Variants in ADGRF4 observed in about 807,000 individuals in gnomAD.
The protein encoded by ADGRF4 is G-protein coupled receptor PGR18.
A neutral mutation model predicts 58.5 loss-of-function variants in ADGRF4; 63 were observed. The observed-to-expected ratio is 1.08, with a 90% confidence interval of 0.88 to 1.33. The LOEUF (loss-of-function observed/expected upper bound fraction) is 1.33, where lower values mean the gene tolerates loss of function less well. ADGRF4 is among the 40% of genes most tolerant of loss of function. The pLI is 0.00. For missense variants in ADGRF4, 931 were observed against 843.9 expected (o/e 1.10, Z -1.28); for synonymous variants, 313 against 295.4 (o/e 1.06, Z -0.61).
At chr6:47,718,278 G>A in intron 8 of ADGRF4, 111 bp from the exon 9 acceptor site, 1 of 737,694 alleles carries the variant, frequency 1.4e-6, no homozygotes, top group Admixed American at 1.8e-5. Flanking sequence ...CTATATCAGT[G>A]TGGGTACTCC....
Position 47,713,493 on chromosome 6 carries a change from C to T in ADGRF4, c.553-305C>T, listed in dbSNP as rs925850882. On this transcript the variant is annotated intron_variant, in intron 5 of 9. Transcript: ENST00000283303. The stretch of plus-strand genomic sequence containing the variant: ...TGACCAGAGAACATACCTCCACTCT[C>T]CTCCATTAAACAATCATTAAAATCT... Among the ~76,000 whole-genome samples the T allele has an allele frequency of 5.3e-5, 8 of 152,308 alleles. No individual in the cohort carries two copies. The South Asian group carries it at 1.2e-3, about 24-fold the overall frequency.
chr6:47,713,804 A>G lies in ADGRF4; in HGVS notation c.559A>G (p.Ser187Gly). ...TCACCTTTCTCCATTGCAGAGCTAT[A>G]GTGAAGTGGCCAACCACATCCTCGA... is the stretch of plus-strand genomic sequence containing the variant. ...NVTREKMKSY[S>G]EVANHILDTA... Residue 187 changes from serine to glycine, a missense_variant, in exon 6 of 10, where the codon AGT (serine) becomes GGT (glycine). Physicochemically the swap from Ser to Gly is moderately conservative, Grantham distance 56 (BLOSUM62 0). Transcript: ENST00000283303. The G allele has an allele frequency of 6.5e-7, 1 of 1,544,736 alleles. No homozygotes were observed. The highest frequency in any genetic ancestry group is 1.3e-5 in the South Asian group (1 of 78,038).
chr6:47,713,459 A>G (rs1267932897), intron 5 of ADGRF4, among the ~76,000 whole-genome samples: 1 of 152,180 alleles, frequency 6.6e-6, no homozygotes, highest in African/African-American at 2.4e-5. Flanking sequence ...AGTCTTTCTC[A>G]AGCTTGGATG....
intron 3 of ADGRF4, 137 bp from the exon 4 acceptor site, chr6:47,710,598 C>T (rs763810844): frequency 3.3e-5 from 24 of 723,220 alleles, no homozygotes; most frequent in South Asian, 1.7e-4. Context: ...TACTCATTGC[C>T]GTGGACCCAG....
chr6:47,715,191 G>C lies in ADGRF4; in HGVS notation c.1932+14G>C, dbSNP rs748584884. The C allele has an allele frequency of 1.5e-5, 23 of 1,547,368 alleles. 1 individual carries two copies. The South Asian group carries it at 2.8e-4, about 19-fold the overall frequency. On this transcript the variant is annotated intron_variant, in intron 6 of 9. Transcript: ENST00000283303. ...AATGCTTTCCAGGTAAGTTCCAAGA[G>C]GGAGACTTTTCTGTGTTACTCCGAC...
At position 47,714,816 on chromosome 6, in the gene ADGRF4, G is replaced by A; in HGVS notation, c.1571G>A (p.Gly524Glu). The A allele has an allele frequency of 1.2e-6, 2 of 1,613,424 alleles. No homozygotes were observed. Among genetic ancestry groups the A allele is most frequent in the Non-Finnish European group, 1.7e-6 (2 of 1,179,384 alleles). Reference protein sequence around the residue: ...MMVIGFAIGYGCPLIIAVTTV... With the variant: ...MMVIGFAIGYECPLIIAVTTV... Reference sequence around the variant, plus strand: ...GTCATTGGCTTTGCCATTGGCTATGGGTGCCCATTGATCATTGCTGTCACT... The same window carrying A: ...GTCATTGGCTTTGCCATTGGCTATGAGTGCCCATTGATCATTGCTGTCACT... Residue 524 changes from glycine (G) to glutamate (E), a missense_variant, in exon 6 of 10, where the codon GGG becomes GAG. Physicochemically the swap from Gly to Glu is moderately conservative, Grantham distance 98. Transcript: ENST00000283303.
At chr6:47,705,205 A>G (rs1387375725) in intron 1 of ADGRF4, among the ~76,000 whole-genome samples, 1 of 152,176 alleles carries the variant, frequency 6.6e-6, no homozygotes, top group African/African-American at 2.4e-5. Flanking sequence ...GGGATTACAG[A>G]CATGAGTTGC....
Position 47,712,720 on chromosome 6 carries a change from C to G in ADGRF4, c.552+112C>G, listed in dbSNP as rs564657043. ...ACAGTGACAGCAACCATCAAAGCAA[C>G]AGCAGGCATTTCACTTCGGTTTGGG... On this transcript the variant is annotated intron_variant, in intron 5 of 9. Transcript: ENST00000283303. 5 of 731,134 alleles carry G rather than the reference C, an allele frequency of 6.8e-6. No individual in the cohort carries two copies. The Admixed American group carries it at 1.1e-4, about 15-fold the overall frequency. 45.3% of individuals were successfully genotyped at this position (731,134 alleles called of 1,614,324 possible). A position where few individuals can be genotyped will look rare whatever the true frequency, so the allele number is the denominator to read the frequency against.
intron 5 of ADGRF4, among the ~76,000 whole-genome samples, chr6:47,712,925 G>C (rs1164014561): frequency 6.6e-6 from 1 of 152,180 alleles, no homozygotes; most frequent in African/African-American, 2.4e-5. Flanking sequence ...CAACACCCAG[G>C]CAGTGGATTG....
At chr6:47,712,671 A>G in intron 5 of ADGRF4, 63 bp downstream of exon 5, 1 of 1,309,230 alleles carries the variant, frequency 7.6e-7, no homozygotes, top group Non-Finnish European at 1.1e-6. Flanking sequence ...AATAGTTTCA[A>G]ATATACTTTC....
intron 8 of ADGRF4, among the ~76,000 whole-genome samples, chr6:47,718,123 T>A (rs1271480369): frequency 6.6e-6 from 1 of 152,248 alleles, no homozygotes; most frequent in Non-Finnish European, 1.5e-5. Context: ...TTAACGTTTC[T>A]GAAATTGGAA....
chr6:47,715,983 A>ATTT (rs3030671), intron 6 of ADGRF4, among the ~76,000 whole-genome samples: 2 of 143,802 alleles, frequency 1.4e-5, no homozygotes, highest in African/African-American at 5.1e-5. Context: ...GACATGAGGG[A>ATTT]TTTTTTTTTT....
At chr6:47,716,759 A>ATT (rs764018281) in intron 6 of ADGRF4, 47 bp from the exon 7 acceptor site, 9 of 1,437,092 alleles carry the variant, frequency 6.3e-6, no homozygotes, top group Non-Finnish European at 8.8e-6. Flanking sequence ...CAGCAGGAAT[A>ATT]TTTTTTGAAA....
intron 1 of ADGRF4, among the ~76,000 whole-genome samples, chr6:47,702,091 G>C (rs1286704911): frequency 6.6e-6 from 1 of 152,190 alleles, no homozygotes. Context: ...CACCCGCCTT[G>C]GCCTCCCAAG....
intron 7 of ADGRF4, 88 bp downstream of exon 7, chr6:47,716,935 C>T (rs1772034163): frequency 3.4e-6 from 3 of 883,060 alleles, no homozygotes; most frequent in East Asian, 4.8e-5. Flanking sequence ...GGAGAGCATA[C>T]TCCAGGGGAG....
intron 1 of ADGRF4, among the ~76,000 whole-genome samples, chr6:47,699,475 A>G (rs942963225): frequency 6.6e-6 from 1 of 152,234 alleles, no homozygotes. Context: ...TTTTATAAGT[A>G]TCAAGATAGT....
At chr6:47,704,255 G>A (rs1375823018) in intron 1 of ADGRF4, among the ~76,000 whole-genome samples, 3 of 152,006 alleles carry the variant, frequency 2.0e-5, no homozygotes, top group Non-Finnish European at 4.4e-5. Context: ...CGTTGACCAG[G>A]CTGGTCTCGA....
intron 1 of ADGRF4, among the ~76,000 whole-genome samples, chr6:47,706,947 A>G (rs112828662): frequency 1.7e-4 from 26 of 152,368 alleles, no homozygotes; most frequent in African/African-American, 6.0e-4. Flanking sequence ...TTGTTAATTA[A>G]ATAATAAGGA....
At chr6:47,708,153 G>T in intron 2 of ADGRF4, 71 bp from the exon 3 acceptor site, 1 of 1,110,676 alleles carries the variant, frequency 9.0e-7, no homozygotes, top group South Asian at 1.3e-5. Context: ...TATTCATATG[G>T]AGCCTCTAAG....
Sources: gnomAD v4.1 joint callset for allele counts (sites outside exome capture counted in the v4.1 genomes callset) on GRCh38, gnomAD v4.1.1 for gene constraint, MANE v1.5 for transcripts, NCBI Gene and HGNC (gene_info 2026-07-23, HGNC 2026-07-21) for gene names.